The following BTBD7 variants were observed in gnomAD, a reference collection of about 807,000 sequenced individuals.
BTBD7 encodes BTB/POZ domain-containing protein 7.
BTBD7 carries 38 observed loss-of-function variants against 99.9 expected under a neutral mutation model. The observed-to-expected ratio is 0.38, with a 90% confidence interval of 0.29 to 0.50. The LOEUF (loss-of-function observed/expected upper bound fraction) is 0.50. Ranked by LOEUF, BTBD7 falls within the 20% of genes least tolerant of loss-of-function variation. The pLI, the probability that BTBD7 is intolerant of heterozygous loss-of-function variation, is 0.93. For synonymous variants in BTBD7, 520 were observed against 511.4 expected (o/e 1.02, Z -0.23); for missense variants, 1,170 against 1,394.6 (o/e 0.84, Z 2.57).
In BTBD7 at chr14:93,253,693, A is replaced by G. The variant is rs1162093169; in HGVS notation, c.1706T>C (p.Ile569Thr). ...AGAGAAGAGTCGAGGACGAACATAG[A>G]TGCCAGCATTTTTTTGCCGTAACCA... ...NAWLRQKNAG[I>T]YVRPRLFSPY... The change falls in exon 7 of 11, where the codon ATC (isoleucine) becomes ACC (threonine). Residue 569 changes from isoleucine (I) to threonine (T), a missense_variant. Transcript: ENST00000334746. 6.2e-7 allele frequency: 1 copy of G among 1,613,376 alleles called. No homozygotes were observed. Among genetic ancestry groups the G allele is most frequent in the Admixed American group, 1.7e-5 (1 of 60,004 alleles).
intron 1 of BTBD7, among the ~76,000 whole-genome samples, chr14:93,300,922 A>G (rs1427147884): frequency 4.6e-5 from 7 of 151,902 alleles, no homozygotes; most frequent in South Asian, 2.1e-4. Context: ...GCTGGAAGGT[A>G]TTTCCATACT....
chr14:93,327,959 G>A (rs1268843449), intron 1 of BTBD7, among the ~76,000 whole-genome samples: 2 of 152,100 alleles, frequency 1.3e-5, no homozygotes, highest in Non-Finnish European at 2.9e-5. Context: ...ACAAAAATGA[G>A]TTGCATTCTT....
Position 93,246,130 on chromosome 14 carries a change from G to T in BTBD7, c.2278C>A (p.Pro760Thr). The change falls in exon 10 of 11, where the codon CCT (proline) becomes ACT (threonine). Residue 760 changes from proline (P) to threonine (T), a missense_variant. This residue lies in a region of BTBD7 where 495 missense variants were observed against 525.9 expected (regional missense o/e 0.94). Transcript: ENST00000334746. ...GGGGGGTGGTAGGGAGGTGGTGGAG[G>T]GGGCAAGGGTGGATGGAAGGCCACA... Reference protein sequence around the residue: ...SFVAFHPPLPPPPPPYHPPAT... With the variant: ...SFVAFHPPLPTPPPPYHPPAT... 7.9e-7 allele frequency: 1 copy of T among 1,271,502 alleles called. No individual in the cohort carries two copies. The allele number at this position is 1,271,502 out of a possible 1,614,324, so 78.8% of individuals were successfully genotyped here.
intron 3 of BTBD7, chr14:93,287,986 A>AT (rs1201241078): frequency 6.5e-6 from 1 of 152,926 alleles, no homozygotes; most frequent in African/African-American, 2.4e-5. Flanking sequence ...TAAATATAGG[A>AT]TTTTGTGTTT....
At chr14:93,245,728 G>A (rs1452283605) in intron 10 of BTBD7, 97 bp downstream of exon 10, 1 of 1,520,434 alleles carries the variant, frequency 6.6e-7, no homozygotes, top group Non-Finnish European at 8.8e-7. Flanking sequence ...ATACTTCTGG[G>A]CACTGCTGAG....
intron 3 of BTBD7, among the ~76,000 whole-genome samples, chr14:93,291,831 T>C (rs1439863749): frequency 2.0e-5 from 3 of 150,744 alleles, no homozygotes; most frequent in Non-Finnish European, 4.4e-5. Context: ...AAACTCTAGA[T>C]AAATAATCAA....
chr14:93,288,703 C>T (rs750644533), intron 3 of BTBD7: 1 of 1,611,156 alleles, frequency 6.2e-7, no homozygotes, highest in Admixed American at 1.7e-5. Context: ...TGACTGTAGT[C>T]TCCTCTGTAA....
intron 3 of BTBD7, among the ~76,000 whole-genome samples, chr14:93,277,812 C>T (rs908795529): frequency 2.6e-5 from 4 of 152,058 alleles, no homozygotes; most frequent in Non-Finnish European, 2.9e-5. Flanking sequence ...AGGGAGGGAG[C>T]GTAGTCTGAA....
chr14:93,284,963 A>T (rs1243147690), intron 3 of BTBD7, among the ~76,000 whole-genome samples: 1 of 152,012 alleles, frequency 6.6e-6, no homozygotes, highest in Non-Finnish European at 1.5e-5. Context: ...TATGTTTTAT[A>T]TATAAACATA....
intron 5 of BTBD7, among the ~76,000 whole-genome samples, chr14:93,259,630 T>C (rs769831372): frequency 2.6e-5 from 4 of 152,256 alleles, no homozygotes; most frequent in Non-Finnish European, 5.9e-5. Context: ...ACTAATTGTA[T>C]GCTGGCATTT....
At chr14:93,261,769 T>C (rs1461159360) in intron 4 of BTBD7, 92 bp from the exon 5 acceptor site, 2 of 871,506 alleles carry the variant, frequency 2.3e-6, no homozygotes, top group Non-Finnish European at 3.7e-6. Flanking sequence ...AATAACAGCA[T>C]GCAACTTACC....
chr14:93,324,654 G>A (rs938358379), intron 1 of BTBD7, among the ~76,000 whole-genome samples: 6 of 152,106 alleles, frequency 3.9e-5, no homozygotes, highest in Admixed American at 3.3e-4. Flanking sequence ...AGCAATAGGG[G>A]CCTTGTGTTC....
At chr14:93,249,679 T>C (rs991414068) in intron 8 of BTBD7, among the ~76,000 whole-genome samples, 11 of 152,188 alleles carry the variant, frequency 7.2e-5, no homozygotes, top group African/African-American at 2.4e-4. Context: ...GTTAAGTAGA[T>C]AGAAGCAACA....
rs1555392123 is a variant in BTBD7, at chr14:93,300,786, A to ATAT, written c.-106-4630_-106-4629insATA. Among the ~76,000 whole-genome samples, 8 of 101,774 alleles carry ATAT rather than the reference A, an allele frequency of 7.9e-5. 1 individual carries two copies. Among genetic ancestry groups the ATAT allele is most frequent in the Non-Finnish European group, 5.9e-5 (3 of 50,940 alleles). The allele number at this position is 101,774 out of a possible 152,430, so 66.8% of individuals were successfully genotyped here. ...TGTGTGTGTGTGTATATATATATAT[A>ATAT]TTTTTTTTTTGTAGAGATAGGGTTT... On this transcript the variant is annotated intron_variant, in intron 1 of 10. Transcript: ENST00000334746.
intron 1 of BTBD7, among the ~76,000 whole-genome samples, chr14:93,325,531 A>T (rs1258559326): frequency 6.6e-6 from 1 of 152,202 alleles, no homozygotes; most frequent in Non-Finnish European, 1.5e-5. Context: ...AGGCTGTTTA[A>T]TACGTAGTCC....
chr14:93,251,782 A>T, intron 7 of BTBD7, 130 bp from the exon 8 acceptor site: 1 of 850,752 alleles, frequency 1.2e-6, no homozygotes, highest in Non-Finnish European at 1.6e-6. Context: ...TGTTAACATT[A>T]GTGGTGAAAG....
chr14:93,333,019 G>A lies in BTBD7; in HGVS notation c.-306C>T. On this transcript the variant is annotated 5_prime_UTR_variant, in exon 1 of 11. Transcript: ENST00000334746. ...TCCAGGTTCCCCTCGCCGCCATTTT[G>A]ACTCCTAGACGGAGCAGGAGGGGCT... The A allele has an allele frequency of 1.9e-6, 1 of 516,622 alleles. No homozygotes were observed. Among genetic ancestry groups the A allele is most frequent in the Non-Finnish European group, 3.3e-6 (1 of 302,290 alleles). 32.0% of individuals were successfully genotyped at this position (516,622 alleles called of 1,614,324 possible).
intron 1 of BTBD7, among the ~76,000 whole-genome samples, chr14:93,314,745 C>T (rs983159816): frequency 2.6e-5 from 4 of 152,154 alleles, no homozygotes; most frequent in Non-Finnish European, 5.9e-5. Flanking sequence ...AGAAGAGTTG[C>T]AATTTACACT....
chr14:93,324,510 T>A (rs1008117540), intron 1 of BTBD7, among the ~76,000 whole-genome samples: 1 of 152,022 alleles, frequency 6.6e-6, no homozygotes, highest in Non-Finnish European at 1.5e-5. Flanking sequence ...AGAAGTCCTG[T>A]GGTGGGGATG....
Sources: gnomAD v4.1 joint callset for allele counts (sites outside exome capture counted in the v4.1 genomes callset) on GRCh38, gnomAD v4.1.1 for gene constraint, gnomAD v4.1.1 regional missense constraint, MANE v1.5 for transcripts, NCBI Gene and HGNC (gene_info 2026-07-23, HGNC 2026-07-21) for gene names.